The following ARNT2 variants were observed in gnomAD, a reference collection of about 807,000 sequenced individuals.
ARNT2 encodes the protein ARNT protein 2.
Under a neutral mutation model 91.7 loss-of-function variants are expected in ARNT2, and 36 were observed. The ratio of observed to expected loss-of-function variants is 0.39; its 90% CI spans 0.30 to 0.52. ARNT2 has a LOEUF of 0.52. ARNT2 is among the 20% of genes least tolerant of loss of function. The pLI, the probability that ARNT2 is intolerant of heterozygous loss-of-function variation, is 0.72. For synonymous variants in ARNT2, 365 were observed against 347.1 expected (o/e 1.05, Z -0.57); for missense variants, 775 against 939.3 (o/e 0.83, Z 2.29).
At chr15:80,481,220 C>G (rs1896882317) in intron 5 of ARNT2, among the ~76,000 whole-genome samples, 1 of 152,200 alleles carries the variant, frequency 6.6e-6, no homozygotes, top group Admixed American at 6.5e-5. Context: ...AGGCTGTGGT[C>G]TGGGCACAGA....
At chr15:80,456,265 C>A (rs1051769211) in intron 2 of ARNT2, among the ~76,000 whole-genome samples, 1 of 112,536 alleles carries the variant, frequency 8.9e-6, no homozygotes. Context: ...TCTGTAAGGC[C>A]CTTTAACTGT....
intron 1 of ARNT2, among the ~76,000 whole-genome samples, chr15:80,448,277 T>C (rs1265749946): frequency 6.6e-6 from 1 of 152,244 alleles, no homozygotes; most frequent in South Asian, 2.1e-4. Flanking sequence ...TTTTACCTCA[T>C]GATAGGTCAT....
At chr15:80,445,736 C>G (rs1206608767) in intron 1 of ARNT2, among the ~76,000 whole-genome samples, 1 of 151,992 alleles carries the variant, frequency 6.6e-6, no homozygotes, top group African/African-American at 2.4e-5. Context: ...AGACAGGACT[C>G]TGGGTAGAGG....
At chr15:80,496,239 G>T (rs1234039259) in intron 5 of ARNT2, among the ~76,000 whole-genome samples, 1 of 152,060 alleles carries the variant, frequency 6.6e-6, no homozygotes, top group African/African-American at 2.4e-5. Context: ...GCCATGGAGT[G>T]GGACTGGGCT....
chr15:80,464,426 G>A (rs1255388539), intron 3 of ARNT2, among the ~76,000 whole-genome samples: 1 of 152,168 alleles, frequency 6.6e-6, no homozygotes, highest in Non-Finnish European at 1.5e-5. Flanking sequence ...CTGGGAACAG[G>A]GATTGTCAGA....
At position 80,469,261 on chromosome 15, in the gene ARNT2, C is replaced by T. The variant is rs534506806; in HGVS notation, c.195-957C>T. On this transcript the variant is annotated intron_variant, in intron 3 of 18. Coordinates refer to ENST00000303329, the MANE Select transcript of ARNT2 (RefSeq NM_014862.4). ...GCTAGTTTTTTATCATAACACATCA[C>T]AGAGATTGCATTCAGTAATTCCTTT... 3.4e-4 allele frequency among the ~76,000 whole-genome samples: 51 copies of T among 152,216 alleles called. 2 individuals are homozygous for T. The South Asian group carries it at 0.01, about 31-fold the overall frequency.
At chr15:80,437,250 A>T (rs1397241664) in intron 1 of ARNT2, among the ~76,000 whole-genome samples, 5 of 152,124 alleles carry the variant, frequency 3.3e-5, no homozygotes, top group African/African-American at 1.2e-4. Context: ...TCGTCAGGCC[A>T]CTGTTACCTC....
chr15:80,441,354 A>G (rs1227915677), intron 1 of ARNT2: 2 of 985,414 alleles, frequency 2.0e-6, no homozygotes, highest in South Asian at 9.4e-5. Context: ...AGGAAGAAAG[A>G]TCTTTGTTTA....
At chr15:80,410,412 C>T (rs1306336690) in intron 1 of ARNT2, among the ~76,000 whole-genome samples, 1 of 152,122 alleles carries the variant, frequency 6.6e-6, no homozygotes, top group Non-Finnish European at 1.5e-5. Context: ...GGCAGGGGGC[C>T]TGTGGGGTGT....
chr15:80,448,988 AAAAACAAAAC>A (rs368146696), intron 1 of ARNT2, among the ~76,000 whole-genome samples: 8 of 152,072 alleles, frequency 5.3e-5, no homozygotes, highest in Admixed American at 2.6e-4. Flanking sequence ...CCGTCTCAAA[AAAAACAAAAC>A]AAAACAAAAC....
chr15:80,467,893 T>C lies in ARNT2; in HGVS notation c.195-2325T>C, dbSNP rs77541607. Among the ~76,000 whole-genome samples the C allele has an allele frequency of 3.3e-3, 499 of 152,216 alleles. 4 individuals carry two copies. The highest frequency in any genetic ancestry group is 0.012 in the African/African-American group (480 of 41,538). The stretch of plus-strand genomic sequence containing the variant: ...GCTGCCACCACTAATTTACCTAATT[T>C]ATGGAGAGAAGGAAAAGGAAGTCCT... On this transcript the variant is annotated intron_variant, in intron 3 of 18. Transcript: ENST00000303329.
chr15:80,447,413 G>C (rs1448304005), intron 1 of ARNT2, among the ~76,000 whole-genome samples: 1 of 152,212 alleles, frequency 6.6e-6, no homozygotes, highest in African/African-American at 2.4e-5. Flanking sequence ...ATACAGTGCA[G>C]TGTTCAGTTC....
chr15:80,579,099 T>G (rs1280143776), intron 15 of ARNT2, among the ~76,000 whole-genome samples: 1 of 152,168 alleles, frequency 6.6e-6, no homozygotes, highest in Non-Finnish European at 1.5e-5. Flanking sequence ...GGGCTGGCGC[T>G]TTGCCCCAAG....
At chr15:80,511,147 C>T (rs1002646619) in intron 6 of ARNT2, among the ~76,000 whole-genome samples, 1 of 151,978 alleles carries the variant, frequency 6.6e-6, no homozygotes, top group African/African-American at 2.4e-5. Context: ...CAGTGATAGA[C>T]TGGATAAAGA....
intron 1 of ARNT2, among the ~76,000 whole-genome samples, chr15:80,424,166 A>G (rs1032985066): frequency 6.6e-6 from 1 of 152,322 alleles, no homozygotes; most frequent in Admixed American, 6.5e-5. Flanking sequence ...AGATCTGGGC[A>G]TGTATACACC....
At chr15:80,494,287 T>C (rs1296207644) in intron 5 of ARNT2, among the ~76,000 whole-genome samples, 2 of 152,194 alleles carry the variant, frequency 1.3e-5, no homozygotes, top group African/African-American at 4.8e-5. Context: ...TTTCCTGCTA[T>C]TTTTGTATTT....
At chr15:80,583,756 C>T (rs1442274683) in intron 17 of ARNT2, among the ~76,000 whole-genome samples, 1 of 152,162 alleles carries the variant, frequency 6.6e-6, no homozygotes, top group Non-Finnish European at 1.5e-5. Context: ...GCCTTTGGAG[C>T]CAAGAATCAA....
intron 12 of ARNT2, among the ~76,000 whole-genome samples, chr15:80,568,272 G>A (rs751619428): frequency 3.9e-5 from 6 of 152,278 alleles, no homozygotes; most frequent in Non-Finnish European, 7.4e-5. Flanking sequence ...TCATTTCAGC[G>A]TTTTTACATG....
At position 80,404,748 on chromosome 15, in the gene ARNT2, C is replaced by T. The variant is rs1030962170; in HGVS notation, c.31+202C>T. Among the ~76,000 whole-genome samples the T allele has an allele frequency of 2.0e-5, 3 of 152,010 alleles. No individual in the cohort carries two copies. The South Asian group carries it at 6.2e-4, about 31-fold the overall frequency. ...ATCCCAATCGCTGCCCATCCGGTCC[C>T]GGGCAGGCGCCGGTCCGGACCCGCG... On this transcript the variant is annotated intron_variant, in intron 1 of 18. Coordinates refer to ENST00000303329, the MANE Select transcript of ARNT2 (RefSeq NM_014862.4). This position sits in a 1 kb window ranked among gnomAD's most constrained non-coding sequence, Gnocchi z 5.5.
Sources: gnomAD v4.1 joint callset for allele counts (sites outside exome capture counted in the v4.1 genomes callset) on GRCh38, gnomAD v4.1.1 for gene constraint, Gnocchi (gnomAD v3.1) non-coding constraint, MANE v1.5 for transcripts, NCBI Gene and HGNC (gene_info 2026-07-23, HGNC 2026-07-21) for gene names.